EPHB2: variants seen among roughly 807,000 people sequenced by gnomAD.
The protein encoded by EPHB2 is EPH receptor B2, also known as ephrin type-B receptor 2.
In EPHB2, 18 loss-of-function variants were observed where a neutral mutation model predicts 96.4. That is an observed-to-expected ratio of 0.19 (90% CI 0.13 to 0.28). The LOEUF (loss-of-function observed/expected upper bound fraction) is 0.28. EPHB2 is among the 10% of genes least tolerant of loss of function. The pLI is 1.00. For synonymous variants in EPHB2, 506 were observed against 534.1 expected (o/e 0.95, Z 0.72); for missense variants, 989 against 1,355.4 (o/e 0.73, Z 4.25).
At chr1:22,902,025 C>T (rs1246719524) in intron 9 of EPHB2, among the ~76,000 whole-genome samples, 2 of 151,898 alleles carry the variant, frequency 1.3e-5, no homozygotes, top group African/African-American at 2.4e-5. Context: ...GGGTTTCTGC[C>T]ATGTTACCCA....
At position 22,790,453 on chromosome 1, in the gene EPHB2, C is replaced by G. The variant is rs191388738; in HGVS notation, c.811+5377C>G. Among the ~76,000 whole-genome samples the G allele has an allele frequency of 4.6e-5, 7 of 152,198 alleles. No homozygotes were observed. In the East Asian group the frequency reaches 1.4e-3, roughly 30 times the overall value. ...TCTGCTGGGAGTGGCAGAAGGTGTCCCTGGAATGCCTTCTTTGCAGCAGCT... is the reference window on the plus strand; with the variant it reads ...TCTGCTGGGAGTGGCAGAAGGTGTCGCTGGAATGCCTTCTTTGCAGCAGCT... On this transcript the variant is annotated intron_variant, in intron 3 of 15. Coordinates refer to ENST00000374630, the MANE Select transcript of EPHB2 (RefSeq NM_017449.5). The surrounding 1 kb of genome is among the most constrained non-coding windows in gnomAD (Gnocchi z 4.0).
chr1:22,793,376 G>A (rs1362907901), intron 3 of EPHB2, among the ~76,000 whole-genome samples: 1 of 152,158 alleles, frequency 6.6e-6, no homozygotes, highest in Non-Finnish European at 1.5e-5. Flanking sequence ...CAGACTTGGG[G>A]TGCTTAGGAG....
At chr1:22,775,123 C>G in intron 1 of EPHB2, 1 of 768,432 alleles carries the variant, frequency 1.3e-6, no homozygotes, top group Non-Finnish European at 2.4e-6. Flanking sequence ...GCCCTGATGA[C>G]TTTGTTGTTT....
chr1:22,905,913 G>A lies in EPHB2; in HGVS notation c.1766-74G>A. 3.7e-6 allele frequency: 6 copies of A among 1,611,556 alleles called. No individual in the cohort carries two copies. In the East Asian group the frequency reaches 1.1e-4, roughly 30 times the overall value. On this transcript the variant is annotated intron_variant, in intron 9 of 15. Coordinates refer to ENST00000374630, the MANE Select transcript of EPHB2 (RefSeq NM_017449.5). ...GGGAGTGGATTTCCCTCCACGGAGG[G>A]ACTGGCTCCCGCTTTTCCTTTTTGT...
At position 22,860,052 on chromosome 1, in the gene EPHB2, C is replaced by T. The variant is rs186391990; in HGVS notation, c.812-2985C>T. On this transcript the variant is annotated intron_variant, in intron 3 of 15. Transcript: ENST00000374630. This position sits in a 1 kb window ranked among gnomAD's most constrained non-coding sequence, Gnocchi z 4.6. The stretch of plus-strand genomic sequence containing the variant: ...TTCATGGCTGGCTTCTTTCACTGAG[C>T]ACGATGTGTCCAGGGTTCACCTGTA... Among the ~76,000 whole-genome samples the T allele has an allele frequency of 1.3e-5, 2 of 152,294 alleles. No homozygotes were observed. The highest frequency in any genetic ancestry group is 1.5e-5 in the Non-Finnish European group (1 of 68,022).
intron 1 of EPHB2, among the ~76,000 whole-genome samples, chr1:22,777,671 T>C (rs1256274672): frequency 1.3e-5 from 2 of 152,218 alleles, no homozygotes; most frequent in African/African-American, 4.8e-5. Context: ...ACGGGCTCCA[T>C]GGAGGCTGTA....
At chr1:22,910,359 A>C in intron 13 of EPHB2, 23 bp from the exon 14 acceptor site, 1 of 1,614,134 alleles carries the variant, frequency 6.2e-7, no homozygotes, top group African/African-American at 1.3e-5. Flanking sequence ...ACCCAACCCC[A>C]CTGCACTCCT....
chr1:22,781,764 C>T (rs933179103), intron 2 of EPHB2, among the ~76,000 whole-genome samples: 2 of 152,128 alleles, frequency 1.3e-5, no homozygotes, highest in Non-Finnish European at 2.9e-5. Flanking sequence ...TCACTACCCC[C>T]GTTTTACAGA....
chr1:22,896,580 C>T, intron 9 of EPHB2, 102 bp downstream of exon 9: 1 of 1,470,916 alleles, frequency 6.8e-7, no homozygotes, highest in Admixed American at 1.8e-5. Flanking sequence ...ATGCTGCAGG[C>T]AGACAATGTC....
At chr1:22,827,378 G>A (rs560550071) in intron 3 of EPHB2, among the ~76,000 whole-genome samples, 13 of 152,342 alleles carry the variant, frequency 8.5e-5, no homozygotes, top group Admixed American at 4.6e-4. Flanking sequence ...GCAGGGGCCC[G>A]CAGGAGCAGG....
At chr1:22,712,822 C>T (rs536753206) in intron 1 of EPHB2, among the ~76,000 whole-genome samples, 2 of 152,180 alleles carry the variant, frequency 1.3e-5, no homozygotes, top group African/African-American at 2.4e-5. Flanking sequence ...CATGCGTTGG[C>T]CCGCTATACA....
intron 3 of EPHB2, among the ~76,000 whole-genome samples, chr1:22,795,253 G>A (rs1644751201): frequency 6.6e-6 from 1 of 152,208 alleles, no homozygotes; most frequent in Admixed American, 6.5e-5. Flanking sequence ...GGAGAGGAGG[G>A]AACATTCTAT....
intron 5 of EPHB2, among the ~76,000 whole-genome samples, chr1:22,873,275 TG>T (rs765263952): frequency 1.3e-5 from 2 of 152,124 alleles, no homozygotes; most frequent in Non-Finnish European, 2.9e-5. Flanking sequence ...TTGTCACGTT[TG>T]GGGGTTGACT....
rs114703531 is a variant in EPHB2, at chr1:22,822,359, C to A, written c.811+37283C>A. Among the ~76,000 whole-genome samples the A allele has an allele frequency of 6.1e-4, 93 of 151,950 alleles. 2 individuals carry two copies. The East Asian group carries it at 0.016, about 27-fold the overall frequency. On this transcript the variant is annotated intron_variant, in intron 3 of 15. Coordinates refer to ENST00000374630, the MANE Select transcript of EPHB2 (RefSeq NM_017449.5). The stretch of plus-strand genomic sequence containing the variant: ...AAAAAAGGAAAGTGATGGAAAAGAC[C>A]TACCAAACAATGCTAAAAATAAATT...
At position 22,733,715 on chromosome 1, in the gene EPHB2, C is replaced by T. The variant is rs533829015; in HGVS notation, c.61+22672C>T. 1.8e-4 allele frequency among the ~76,000 whole-genome samples: 28 copies of T among 152,296 alleles called. No homozygotes were observed. The highest frequency in any genetic ancestry group is 7.2e-4 in the Admixed American group (11 of 15,288). ...GGGGCGGAAATGGGATTTGAACCCG[C>T]GATTCTCTAAGTCCAAAGCCCATGC... On this transcript the variant is annotated intron_variant, in intron 1 of 15. Coordinates refer to ENST00000374630, the MANE Select transcript of EPHB2 (RefSeq NM_017449.5). The surrounding 1 kb of genome is among the most constrained non-coding windows in gnomAD (Gnocchi z 4.6).
intron 5 of EPHB2, among the ~76,000 whole-genome samples, chr1:22,874,945 A>G (rs752383603): frequency 6.6e-6 from 1 of 152,168 alleles, no homozygotes; most frequent in East Asian, 1.9e-4. Context: ...AGTTAACTGG[A>G]TGTCTCCCCT....
At chr1:22,908,963 G>C in intron 12 of EPHB2, 59 bp from the exon 13 acceptor site, 1 of 1,608,638 alleles carries the variant, frequency 6.2e-7, no homozygotes, top group Non-Finnish European at 8.5e-7. Context: ...GGAGGATTAA[G>C]AGAAGAGGTC....
At chr1:22,752,749 A>G (rs1328984410) in intron 1 of EPHB2, among the ~76,000 whole-genome samples, 1 of 151,750 alleles carries the variant, frequency 6.6e-6, no homozygotes, top group Admixed American at 6.6e-5. Flanking sequence ...TTTATAAAGT[A>G]TATATTTATA....
chr1:22,747,997 A>G (rs187740062), intron 1 of EPHB2, among the ~76,000 whole-genome samples: 3 of 152,340 alleles, frequency 2.0e-5, no homozygotes, highest in Non-Finnish European at 2.9e-5. Context: ...GCAGGATAGC[A>G]TGGTAGCTGA....
Sources: allele counts gnomAD v4.1 joint callset (sites outside exome capture counted in the v4.1 genomes callset), GRCh38; gene constraint gnomAD v4.1.1; non-coding constraint Gnocchi (gnomAD v3.1); transcripts MANE v1.5; gene names NCBI Gene and HGNC (gene_info 2026-07-23, HGNC 2026-07-21).